Variants in MRS2 observed in about 807,000 individuals in gnomAD.
MRS2 encodes the protein magnesium transporter MRS2, also known as magnesium transporter MRS2 homolog, mitochondrial.
MRS2 carries 40 observed loss-of-function variants against 52.6 expected under a neutral mutation model. The ratio of observed to expected loss-of-function variants is 0.76; its 90% CI spans 0.59 to 0.99. MRS2 has a LOEUF of 0.99. Ranked by LOEUF, MRS2 falls within the 50% of genes least tolerant of loss-of-function variation. The pLI is 0.00. For synonymous variants in MRS2, 193 were observed against 195.9 expected, an observed-to-expected ratio of 0.98 and a Z score of 0.13; for missense variants, 472 against 532.7, an observed-to-expected ratio of 0.89 and a Z score of 1.12.
intron 9 of MRS2, among the ~76,000 whole-genome samples, chr6:24,421,279 A>G (rs1762033322): frequency 6.6e-6 from 1 of 152,260 alleles, no homozygotes; most frequent in Admixed American, 6.5e-5. Context: ...GGTACAGCAC[A>G]GCCCATTTGT....
rs912789575 is a variant in MRS2 at position 24,423,158 on chromosome 6, T to A, written c.1221+108T>A. The A allele has an allele frequency of 9.7e-6, 8 of 826,034 alleles. No individual in the cohort carries two copies. The Admixed American group carries it at 1.6e-4, about 16-fold the overall frequency. The allele number at this position is 826,034 out of a possible 1,614,324, so 51.2% of individuals were successfully genotyped here. On this transcript the variant is annotated intron_variant, in intron 10 of 10. Transcript: ENST00000378386. ...TCACAGGCACTATGGCCCTTGCGAGTTGCTTTCTCAAACTTCCTTCAGTTT... is the reference window on the plus strand; with the variant it reads ...TCACAGGCACTATGGCCCTTGCGAGATGCTTTCTCAAACTTCCTTCAGTTT...
At chr6:24,407,601 G>T (rs1297098534) in intron 2 of MRS2, among the ~76,000 whole-genome samples, 1 of 152,134 alleles carries the variant, frequency 6.6e-6, no homozygotes, top group Admixed American at 6.5e-5. Flanking sequence ...CAGGAAATAG[G>T]TGCATTTTCT....
rs113126304 is a variant in MRS2, at chr6:24,423,967, C to G, written c.*273C>G. 926 of 202,610 alleles carry G rather than the reference C, an allele frequency of 4.6e-3. 9 individuals are homozygous for G. Among genetic ancestry groups the G allele is most frequent in the African/African-American group, 0.02 (862 of 43,338 alleles). The allele number at this position is 202,610 out of a possible 1,614,324, so 12.6% of individuals were successfully genotyped here. ...GATGTGATATGAGGCAACACAAGCA[C>G]AGACAGTTGCATAGATTTTAATTTA... On this transcript the variant is annotated 3_prime_UTR_variant, in exon 11 of 11. Transcript: ENST00000378386.
chr6:24,402,978 G>A lies in MRS2; in HGVS notation c.-69G>A, dbSNP rs1761326961. 2.1e-6 allele frequency: 3 copies of A among 1,433,154 alleles called. No homozygotes were observed. The South Asian group carries it at 4.1e-5, about 19-fold the overall frequency. 88.8% of individuals were successfully genotyped at this position (1,433,154 alleles called of 1,614,324 possible). A position where few individuals can be genotyped will look rare whatever the true frequency, so the allele number is the denominator to read the frequency against. ...GGCGGTAGCGACAGGTCAGAGCTGC[G>A]GCCTGAGCAGCCAGCGTCCGGCATG... On this transcript the variant is annotated 5_prime_UTR_variant, in exon 1 of 11. Transcript: ENST00000378386.
chr6:24,423,186 C>T (rs900281749), intron 10 of MRS2, 136 bp downstream of exon 10: 9 of 656,518 alleles, frequency 1.4e-5, no homozygotes, highest in Non-Finnish European at 2.4e-5. Context: ...TTCAGTTTCC[C>T]TATCTGTCAG....
In MRS2 at chr6:24,418,521, G is replaced by A. The variant is rs141564147; in HGVS notation, c.1050G>A (p.Ser350=). The change falls in exon 9 of 11, where the codon TCG becomes TCA. Residue 350 remains serine (S), a synonymous_variant. Coordinates refer to ENST00000378386, the MANE Select transcript of MRS2 (RefSeq NM_020662.4). ...TGACCATGGGAACCTTCTCTCTTTC[G>A]CTCTTTGGACTAATGGGAGTTGCTT... ...LQLTMGTFSL[S]LFGLMGVAFG... 7.8e-4 allele frequency: 1,255 copies of A among 1,613,964 alleles called. 9 individuals are homozygous for A. In the African/African-American group the frequency reaches 0.013, roughly 17 times the overall value.
intron 6 of MRS2, 74 bp downstream of exon 6, chr6:24,415,237 A>G: frequency 1.4e-6 from 2 of 1,466,374 alleles, no homozygotes; most frequent in African/African-American, 1.4e-5. Flanking sequence ...ATTTTGTTTC[A>G]TAACTTTTTT....
chr6:24,421,296 A>G (rs1322484761), intron 9 of MRS2, among the ~76,000 whole-genome samples: 3 of 152,168 alleles, frequency 2.0e-5, no homozygotes, highest in African/African-American at 4.8e-5. Flanking sequence ...TTGTAATGAG[A>G]TAAGAGTGGT....
chr6:24,418,524 C>T lies in MRS2; in HGVS notation c.1053C>T (p.Leu351=). The change falls in exon 9 of 11, where the codon CTC becomes CTT. Residue 351 remains leucine, a synonymous_variant. Transcript: ENST00000378386. ...QLTMGTFSLS[L]FGLMGVAFGM... is the part of the protein sequence containing the mutation. Reference sequence around the variant, plus strand: ...CCATGGGAACCTTCTCTCTTTCGCTCTTTGGACTAATGGGAGTTGCTTTTG... The same window carrying T: ...CCATGGGAACCTTCTCTCTTTCGCTTTTTGGACTAATGGGAGTTGCTTTTG... 1 of 1,613,930 alleles carries T rather than the reference C, an allele frequency of 6.2e-7. No homozygotes were observed. Among genetic ancestry groups the T allele is most frequent in the East Asian group, 2.2e-5 (1 of 44,860 alleles).
In MRS2 at chr6:24,415,035, C is replaced by A; in HGVS notation, c.591C>A (p.Ile197=). The A allele has an allele frequency of 6.2e-7, 1 of 1,604,328 alleles. No individual in the cohort carries two copies. The highest frequency in any genetic ancestry group is 8.5e-7 in the Non-Finnish European group (1 of 1,173,048). Residue 197 remains isoleucine (I), a splice_region_variant and synonymous_variant, in exon 6 of 11, where the codon ATC becomes ATA. Coordinates refer to ENST00000378386, the MANE Select transcript of MRS2 (RefSeq NM_020662.4). ...RAIEALLQYW[I]NTLQGKLSIL... Reference sequence around the variant, plus strand: ...TGAAAGGTCATGTTGTTATCTAGATCAACACCCTTCAGGGGAAACTTAGCA... The same window carrying A: ...TGAAAGGTCATGTTGTTATCTAGATAAACACCCTTCAGGGGAAACTTAGCA...
rs377319112 is a variant in MRS2 at position 24,420,088 on chromosome 6, A to T, written c.1107+1510A>T. 2.0e-4 allele frequency among the ~76,000 whole-genome samples: 31 copies of T among 152,330 alleles called. No homozygotes were observed. The South Asian group carries it at 6.2e-3, about 31-fold the overall frequency. On this transcript the variant is annotated intron_variant, in intron 9 of 10. Transcript: ENST00000378386. ...TACAACTATTCAATGGCTTTTGATTAGCCTTAGGATAAAAATCCCGTCCTG... is the reference window on the plus strand; with the variant it reads ...TACAACTATTCAATGGCTTTTGATTTGCCTTAGGATAAAAATCCCGTCCTG...
rs200461974 is a variant in MRS2, at chr6:24,412,203, G to A, written c.415-19G>A. 209 of 1,220,966 alleles carry A rather than the reference G, an allele frequency of 1.7e-4. No homozygotes were observed. The highest frequency in any genetic ancestry group is 2.3e-4 in the Non-Finnish European group (204 of 897,924). The allele number at this position is 1,220,966 out of a possible 1,614,324, so 75.6% of individuals were successfully genotyped here. On this transcript the variant is annotated intron_variant, in intron 4 of 10. Transcript: ENST00000378386. ...TACACTCACATATTTATATGTTTTG[G>A]TTTTTTTTTTTTTAACAGTATTTGA...
chr6:24,410,808 AAAAG>A, intron 4 of MRS2: 1 of 1,385,728 alleles, frequency 7.2e-7, no homozygotes, highest in Non-Finnish European at 9.9e-7. Context: ...AGGTATGTGA[AAAAG>A]CAAATTCAGC....
chr6:24,403,590 C>G (rs757192322), intron 1 of MRS2, among the ~76,000 whole-genome samples: 7 of 152,130 alleles, frequency 4.6e-5, no homozygotes, highest in Non-Finnish European at 8.8e-5. Flanking sequence ...GAGGTTTTTT[C>G]TGTGTTGTTT....
At chr6:24,403,271 T>A (rs941962619) in intron 1 of MRS2, 35 bp downstream of exon 1, 3 of 1,558,696 alleles carry the variant, frequency 1.9e-6, no homozygotes, top group Non-Finnish European at 2.6e-6. Context: ...CTTGGGACGC[T>A]GGTCTTGCAG....
chr6:24,422,725 T>A (rs1473530131), intron 9 of MRS2, among the ~76,000 whole-genome samples: 1 of 152,232 alleles, frequency 6.6e-6, no homozygotes, highest in Non-Finnish European at 1.5e-5. Context: ...GGCATATAGA[T>A]GATTTTAAAA....
intron 1 of MRS2, 78 bp downstream of exon 1, chr6:24,403,314 C>T: frequency 9.4e-6 from 13 of 1,380,506 alleles, no homozygotes; most frequent in Non-Finnish European, 1.2e-5. Context: ...CCGTCCGGCG[C>T]GGCGCGCCTG....
intron 10 of MRS2, 30 bp from the exon 11 acceptor site, chr6:24,423,554 T>A (rs969762777): frequency 2.2e-5 from 29 of 1,301,354 alleles, no homozygotes; most frequent in African/African-American, 3.0e-5. Context: ...TTAAAAAAGA[T>A]ACTAAAATTA....
chr6:24,414,487 C>T (rs939735091), intron 5 of MRS2, among the ~76,000 whole-genome samples: 8 of 151,804 alleles, frequency 5.3e-5, no homozygotes, highest in African/African-American at 1.9e-4. Flanking sequence ...AGATTAACAG[C>T]ATCCCAAGGC....
Sources: allele counts gnomAD v4.1 joint callset (sites outside exome capture counted in the v4.1 genomes callset), GRCh38; gene constraint gnomAD v4.1.1; transcripts MANE v1.5; gene names NCBI Gene and HGNC (gene_info 2026-07-23, HGNC 2026-07-21).